The following GRIK2 variants were observed in gnomAD, a reference collection of about 807,000 sequenced individuals.
GRIK2 encodes the protein glutamate receptor ionotropic, kainate 2.
A neutral mutation model predicts 100.3 loss-of-function variants in GRIK2; 32 were observed. The ratio of observed to expected loss-of-function variants is 0.32; its 90% CI spans 0.24 to 0.43. The LOEUF (loss-of-function observed/expected upper bound fraction) is 0.43, where lower values mean the gene tolerates loss of function less well. Among genes scored for constraint, GRIK2 ranks in the 20% least tolerant of loss-of-function variants. The pLI is 1.00. For synonymous variants in GRIK2, 417 were observed against 389.4 expected (o/e 1.07, Z -0.83); for missense variants, 843 against 1,114.9 (o/e 0.76, Z 3.47).
At chr6:101,578,113 A>T (rs1777875611) in intron 2 of GRIK2, among the ~76,000 whole-genome samples, 1 of 152,172 alleles carries the variant, frequency 6.6e-6, no homozygotes, top group African/African-American at 2.4e-5. Flanking sequence ...CCTAGAAGCC[A>T]TTGGCTATAT....
chr6:102,039,339 C>CCTGA (rs1393532469), intron 15 of GRIK2, among the ~76,000 whole-genome samples: 25 of 151,576 alleles, frequency 1.6e-4, no homozygotes, highest in African/African-American at 5.8e-4. Flanking sequence ...TCATAGTTTT[C>CCTGA]CTGACTGCAG....
chr6:101,813,715 C>A (rs1562408081), intron 9 of GRIK2, among the ~76,000 whole-genome samples: 1 of 152,018 alleles, frequency 6.6e-6, no homozygotes. Context: ...TGTAATTTCA[C>A]CACTTTGGGA....
At chr6:101,430,716 C>T (rs186087698) in intron 2 of GRIK2, 48 of 187,080 alleles carry the variant, frequency 2.6e-4, no homozygotes, top group African/African-American at 1.1e-3. Context: ...CGCCTCTGGA[C>T]ACCAGAACCT....
intron 14 of GRIK2, among the ~76,000 whole-genome samples, chr6:101,995,997 G>A (rs1241442124): frequency 6.6e-6 from 1 of 151,944 alleles, no homozygotes; most frequent in African/African-American, 2.4e-5. Context: ...GAACGGCAAG[G>A]TCTTTGTAGC....
intron 11 of GRIK2, among the ~76,000 whole-genome samples, chr6:101,867,282 AT>A (rs1297453359): frequency 6.6e-6 from 1 of 152,010 alleles, no homozygotes; most frequent in Non-Finnish European, 1.5e-5. Context: ...AAAGCAAGTA[AT>A]TTTTACTTTT....
intron 2 of GRIK2, among the ~76,000 whole-genome samples, chr6:101,611,550 T>C (rs1333267665): frequency 6.6e-6 from 1 of 151,900 alleles, no homozygotes; most frequent in Non-Finnish European, 1.5e-5. Flanking sequence ...TTTGATGAGA[T>C]AACTTAGCAA....
intron 12 of GRIK2, among the ~76,000 whole-genome samples, chr6:101,891,333 A>G (rs574095518): frequency 5.1e-4 from 78 of 152,032 alleles, no homozygotes; most frequent in Admixed American, 9.2e-4. Context: ...CCTGGCCAAA[A>G]TGGTGAAACC....
At chr6:101,838,379 C>A (rs1418363142) in intron 10 of GRIK2, among the ~76,000 whole-genome samples, 1 of 152,006 alleles carries the variant, frequency 6.6e-6, no homozygotes, top group East Asian at 1.9e-4. Context: ...AGAAATCAAC[C>A]CACCAAGATT....
At chr6:101,478,456 A>C (rs1772362026) in intron 2 of GRIK2, among the ~76,000 whole-genome samples, 3 of 151,490 alleles carry the variant, frequency 2.0e-5, no homozygotes, top group Admixed American at 6.6e-5. Flanking sequence ...AACTTTTTAT[A>C]AGTTACATTA....
In GRIK2 at chr6:101,815,774, A is replaced by C. The variant is rs1303168939; in HGVS notation, c.1204-2596A>C. On this transcript the variant is annotated intron_variant, in intron 9 of 16. Coordinates refer to ENST00000369134, the MANE Select transcript of GRIK2 (RefSeq NM_021956.5). ...GGTGACAATTTCCTCAATGGAAGAA[A>C]GTTTTGAATCATGTAGTTGACAATC... 2.6e-5 allele frequency among the ~76,000 whole-genome samples: 4 copies of C among 152,182 alleles called. No homozygotes were observed. The East Asian group carries it at 5.8e-4, about 22-fold the overall frequency.
intron 2 of GRIK2, among the ~76,000 whole-genome samples, chr6:101,484,679 A>G (rs1297025973): frequency 6.6e-6 from 1 of 152,076 alleles, no homozygotes; most frequent in East Asian, 1.9e-4. Context: ...TGAAAGCTTC[A>G]TGATTTATCA....
intron 7 of GRIK2, among the ~76,000 whole-genome samples, chr6:101,695,156 G>T (rs1772390099): frequency 6.6e-6 from 1 of 152,070 alleles, no homozygotes; most frequent in South Asian, 2.1e-4. Flanking sequence ...TGGCCAAAAA[G>T]CCCAGATCAA....
intron 12 of GRIK2, among the ~76,000 whole-genome samples, chr6:101,916,475 TG>T (rs1789113299): frequency 6.6e-6 from 1 of 151,530 alleles, no homozygotes; most frequent in Non-Finnish European, 1.5e-5. Context: ...ACTCATTGAT[TG>T]GAAAGTAGGA....
chr6:101,602,066 A>G (rs1450518253), intron 2 of GRIK2, among the ~76,000 whole-genome samples: 3 of 151,732 alleles, frequency 2.0e-5, no homozygotes, highest in African/African-American at 7.2e-5. Context: ...TTAGCACCAT[A>G]AACTTTAGTC....
intron 12 of GRIK2, among the ~76,000 whole-genome samples, chr6:101,906,041 GT>G (rs1788198654): frequency 6.6e-6 from 1 of 151,346 alleles, no homozygotes; most frequent in Non-Finnish European, 1.5e-5. Context: ...ATTAAAGTGC[GT>G]TTAGATATTT....
chr6:101,661,507 G>C (rs534542291), intron 4 of GRIK2, among the ~76,000 whole-genome samples: 13 of 152,162 alleles, frequency 8.5e-5, no homozygotes, highest in African/African-American at 3.1e-4. Context: ...TGGCATTGCA[G>C]GTGTCACTGT....
At chr6:101,465,979 A>C (rs972690703) in intron 2 of GRIK2, among the ~76,000 whole-genome samples, 3 of 152,230 alleles carry the variant, frequency 2.0e-5, no homozygotes, top group Admixed American at 6.5e-5. Flanking sequence ...ATGAGCTGAA[A>C]AACAAGAACA....
intron 2 of GRIK2, among the ~76,000 whole-genome samples, chr6:101,411,783 G>T (rs149868170): frequency 1.3e-3 from 198 of 152,102 alleles, no homozygotes; most frequent in Non-Finnish European, 2.1e-3. Context: ...TAATCATTTA[G>T]AATATTTATA....
At chr6:101,456,685 T>TG (rs1250383346) in intron 2 of GRIK2, among the ~76,000 whole-genome samples, 1 of 2,324 alleles carries the variant, frequency 4.3e-4, no homozygotes, top group Non-Finnish European at 1.0e-3. Flanking sequence ...AAGCTTAATT[T>TG]GGAAAAAAAA....
Sources: gnomAD v4.1 joint callset for allele counts (sites outside exome capture counted in the v4.1 genomes callset) on GRCh38, gnomAD v4.1.1 for gene constraint, MANE v1.5 for transcripts, NCBI Gene and HGNC (gene_info 2026-07-23, HGNC 2026-07-21) for gene names.